The following GPBP1 variants were observed in gnomAD, a reference collection of about 807,000 sequenced individuals.
The protein encoded by GPBP1 is GC-rich promoter binding protein 1, also known as vasculin.
Under a neutral mutation model 56.5 loss-of-function variants are expected in GPBP1, and 13 were observed. That is an observed-to-expected ratio of 0.23 (90% CI 0.15 to 0.37). The LOEUF (loss-of-function observed/expected upper bound fraction) is 0.37, where lower values mean the gene tolerates loss of function less well. Among genes scored for constraint, GPBP1 ranks in the 10% least tolerant of loss-of-function variants. The pLI is 1.00. For missense variants in GPBP1, 477 were observed against 572.3 expected, an observed-to-expected ratio of 0.83 and a Z score of 1.70; for synonymous variants, 204 against 188.9, an observed-to-expected ratio of 1.08 and a Z score of -0.66.
intron 3 of GPBP1, among the ~76,000 whole-genome samples, chr5:57,229,509 T>C (rs1421969902): frequency 6.7e-6 from 1 of 149,572 alleles, no homozygotes; most frequent in Non-Finnish European, 1.5e-5. Flanking sequence ...TTTTTCCTTT[T>C]TCTTTCTCTT....
chr5:57,193,881 A>G (rs936558951), intron 2 of GPBP1, among the ~76,000 whole-genome samples: 38 of 152,334 alleles, frequency 2.5e-4, no homozygotes, highest in African/African-American at 9.1e-4. Context: ...TATGCACACA[A>G]ATTACAAAAG....
chr5:57,234,194 TTG>T (rs1484109672), intron 5 of GPBP1, among the ~76,000 whole-genome samples: 11 of 152,190 alleles, frequency 7.2e-5, no homozygotes, highest in African/African-American at 2.7e-4. Context: ...TATATTAAAA[TTG>T]ATTTTATTTA....
At chr5:57,197,051 G>A (rs932870402) in intron 2 of GPBP1, among the ~76,000 whole-genome samples, 2 of 151,932 alleles carry the variant, frequency 1.3e-5, no homozygotes, top group Non-Finnish European at 2.9e-5. Flanking sequence ...CACAGTGCTG[G>A]GATATAGGCG....
Position 57,262,744 on chromosome 5 carries a change from G to A in GPBP1, c.1414G>A (p.Asp472Asn), listed in dbSNP as rs748673696. The A allele has an allele frequency of 3.1e-6, 5 of 1,612,604 alleles. No individual in the cohort carries two copies. The highest frequency in any genetic ancestry group is 1.3e-5 in the African/African-American group (1 of 74,872). Reference protein sequence around the residue: ...TSSSDTSDDDDV With the variant: ...TSSSDTSDDDNV ...TAGCAGTGATACATCAGATGACGAC[G>A]ATGTGTGAAGGATTTCCTAACAGCT... The change falls in exon 12 of 12, where the codon GAT becomes AAT. Residue 472 changes from aspartate (D) to asparagine (N), a missense_variant. This residue lies in a region of GPBP1 where 63 missense variants were observed against 114.0 expected (regional missense o/e 0.55). Transcript: ENST00000506184.
At chr5:57,216,032 G>A (rs1403733390) in intron 3 of GPBP1, among the ~76,000 whole-genome samples, 1 of 152,092 alleles carries the variant, frequency 6.6e-6, no homozygotes, top group Non-Finnish European at 1.5e-5. Context: ...GCCTGAATCT[G>A]AGTTTTTCCA....
chr5:57,210,263 C>T (rs1755415912), intron 2 of GPBP1, among the ~76,000 whole-genome samples: 3 of 152,050 alleles, frequency 2.0e-5, no homozygotes, highest in South Asian at 4.1e-4. Flanking sequence ...TCAGAACCAG[C>T]TTTCTCCCGG....
chr5:57,200,879 C>T (rs567988335), intron 2 of GPBP1, among the ~76,000 whole-genome samples: 84 of 152,230 alleles, frequency 5.5e-4, no homozygotes, highest in African/African-American at 1.9e-3. Flanking sequence ...GGGGTATCAC[C>T]GTGTTAGCCA....
At position 57,225,345 on chromosome 5, in the gene GPBP1, T is replaced by G. The variant is rs913696764; in HGVS notation, c.64-5501T>G. ...CCGTCTCTACTAAAAATACAAAATA[T>G]TAGCCAGGCGTGGTGGCGGGCGCCT... On this transcript the variant is annotated intron_variant, in intron 3 of 11. Coordinates refer to ENST00000506184, the MANE Select transcript of GPBP1 (RefSeq NM_022913.4). Among the ~76,000 whole-genome samples, 19 of 151,796 alleles carry G rather than the reference T, an allele frequency of 1.3e-4. No individual in the cohort carries two copies. The East Asian group carries it at 3.7e-3, about 30-fold the overall frequency.
At chr5:57,182,127 A>G (rs534533323) in intron 2 of GPBP1, among the ~76,000 whole-genome samples, 7 of 152,292 alleles carry the variant, frequency 4.6e-5, no homozygotes, top group African/African-American at 1.7e-4. Flanking sequence ...CCTCTTGCCC[A>G]GGCTGGAGTG....
At chr5:57,229,866 A>C (rs1756365006) in intron 3 of GPBP1, among the ~76,000 whole-genome samples, 1 of 150,792 alleles carries the variant, frequency 6.6e-6, no homozygotes, top group Non-Finnish European at 1.5e-5. Flanking sequence ...GATCATTTTC[A>C]TGCATTTTCT....
chr5:57,177,996 A>G (rs992453352), intron 2 of GPBP1, among the ~76,000 whole-genome samples: 4 of 151,862 alleles, frequency 2.6e-5, no homozygotes, highest in Non-Finnish European at 4.4e-5. Context: ...TCCCTTTGTT[A>G]TAATAGACTA....
intron 6 of GPBP1, among the ~76,000 whole-genome samples, chr5:57,240,591 T>C (rs1740780229): frequency 6.6e-6 from 1 of 152,224 alleles, no homozygotes; most frequent in African/African-American, 2.4e-5. Context: ...CTTTTGCTTA[T>C]TGATTATTTA....
At chr5:57,219,419 C>CA (rs5868039) in intron 3 of GPBP1, among the ~76,000 whole-genome samples, 33,541 of 67,460 alleles carry the variant, frequency 0.5, 8,547 homozygotes, top group African/African-American at 0.69. Flanking sequence ...AACAAACAAA[C>CA]AAAAAAAAAA....
intron 10 of GPBP1, among the ~76,000 whole-genome samples, chr5:57,251,921 A>G (rs1481986708): frequency 2.6e-5 from 4 of 152,162 alleles, no homozygotes; most frequent in Non-Finnish European, 5.9e-5. Flanking sequence ...AATAGTGTTG[A>G]GTATCTTTTT....
rs769674090 is a variant in GPBP1 at position 57,236,022 on chromosome 5, A to G, written c.468A>G (p.Ala156=). The G allele has an allele frequency of 2.5e-6, 4 of 1,606,346 alleles. No individual in the cohort carries two copies. Among genetic ancestry groups the G allele is most frequent in the Non-Finnish European group, 3.4e-6 (4 of 1,173,186 alleles). ...CAAATCACAATAAGTCTTTAGCTGC[A>G]GGTGTGTGGGGTAAGTAATTTTTTA... ...REPNHNKSLA[A]GVWEYPPNPK... is the part of the protein sequence containing the mutation. Residue 156 remains alanine (A), a synonymous_variant, in exon 6 of 12, where the codon GCA becomes GCG. Coordinates refer to ENST00000506184, the MANE Select transcript of GPBP1 (RefSeq NM_022913.4).
chr5:57,231,864 G>C (rs375282297), intron 5 of GPBP1, among the ~76,000 whole-genome samples: 2 of 152,282 alleles, frequency 1.3e-5, no homozygotes, highest in East Asian at 3.9e-4. Flanking sequence ...GTAATATTTT[G>C]TAGTGAATTT....
intron 3 of GPBP1, among the ~76,000 whole-genome samples, chr5:57,228,954 G>A (rs927444062): frequency 1.3e-5 from 2 of 152,088 alleles, no homozygotes; most frequent in Middle Eastern, 3.2e-3. Context: ...TCTGGGCTGA[G>A]TGCAGTGGCT....
intron 3 of GPBP1, among the ~76,000 whole-genome samples, chr5:57,228,209 C>T (rs1433920919): frequency 6.6e-6 from 1 of 152,150 alleles, no homozygotes; most frequent in Non-Finnish European, 1.5e-5. Flanking sequence ...GTAATCTCAG[C>T]ACTTTGAGAG....
chr5:57,177,001 T>C (rs1753813723), intron 2 of GPBP1, among the ~76,000 whole-genome samples: 1 of 152,252 alleles, frequency 6.6e-6, no homozygotes, highest in Non-Finnish European at 1.5e-5. Context: ...GAAATGGTTT[T>C]GTATTTCAAA....
Sources: gnomAD v4.1 joint callset for allele counts (sites outside exome capture counted in the v4.1 genomes callset) on GRCh38, gnomAD v4.1.1 for gene constraint, gnomAD v4.1.1 regional missense constraint, MANE v1.5 for transcripts, NCBI Gene and HGNC (gene_info 2026-07-23, HGNC 2026-07-21) for gene names.